Variants in ZNF570 observed in about 807,000 individuals in gnomAD.
ZNF570 encodes zinc finger protein 570.
In ZNF570, 8 loss-of-function variants were observed where a neutral mutation model predicts 14.2. That is an observed-to-expected ratio of 0.56 (90% CI 0.33 to 1.02). The LOEUF (loss-of-function observed/expected upper bound fraction) is 1.02. ZNF570 is among the 50% of genes least tolerant of loss of function. The probability of loss-of-function intolerance (pLI) is 0.03; values close to 1 mark genes in which losing one functional copy is unlikely to be tolerated. For synonymous variants in ZNF570, 202 were observed against 207.6 expected (o/e 0.97, Z 0.23); for missense variants, 559 against 624.9 (o/e 0.89, Z 1.12).
intron 4 of ZNF570, among the ~76,000 whole-genome samples, chr19:37,481,845 C>T (rs1443616208): frequency 6.6e-6 from 1 of 152,192 alleles, no homozygotes; most frequent in African/African-American, 2.4e-5. Flanking sequence ...AAGTGCCTTC[C>T]ACAGTCTGTT....
At chr19:37,480,407 C>T (rs1002167354) in intron 4 of ZNF570, among the ~76,000 whole-genome samples, 4 of 152,040 alleles carry the variant, frequency 2.6e-5, no homozygotes, top group African/African-American at 4.8e-5. Context: ...TCGCTTGAAC[C>T]CAGGAGGTGG....
chr19:37,469,036 G>A, upstream of ZNF570: 1 of 989,372 alleles, frequency 1.0e-6, no homozygotes, highest in Non-Finnish European at 1.2e-6. Flanking sequence ...TGCTAAGGGA[G>A]GCGCGCAGAG....
upstream of ZNF570, chr19:37,467,871 T>C (rs956155893): frequency 1.3e-6 from 2 of 1,535,938 alleles, no homozygotes; most frequent in African/African-American, 1.4e-5. Context: ...GATTCTGACC[T>C]TGCAGTTTTG....
At chr19:37,474,079 A>G (rs777790916) in intron 2 of ZNF570, among the ~76,000 whole-genome samples, 17 of 152,326 alleles carry the variant, frequency 1.1e-4, no homozygotes, top group Non-Finnish European at 1.8e-4. Flanking sequence ...GCTGGAAGCC[A>G]TGTTTCTTTA....
chr19:37,479,173 A>G (rs916837073), intron 4 of ZNF570, among the ~76,000 whole-genome samples: 8 of 142,006 alleles, frequency 5.6e-5, no homozygotes, highest in African/African-American at 1.7e-4. Flanking sequence ...TATTTCTCCT[A>G]GAGGCAATTA....
chr19:37,480,448 C>T (rs1020891674), intron 4 of ZNF570, among the ~76,000 whole-genome samples: 1 of 152,128 alleles, frequency 6.6e-6, no homozygotes, highest in African/African-American at 2.4e-5. Flanking sequence ...CGTGCCACTG[C>T]ACTCCAGCCT....
Position 37,484,041 on chromosome 19 carries a change from G to T in ZNF570, c.419G>T (p.Gly140Val), listed in dbSNP as rs201172131. The T allele has an allele frequency of 6.2e-6, 10 of 1,614,078 alleles. No homozygotes were observed. The East Asian group carries it at 1.8e-4, about 29-fold the overall frequency. ...GAGGGCTATTTTGAAAGGCAACCAG[G>T]TAATCAGAAGGCGTGTTTCAAGGAA... ...KCEGYFERQP[G>V]NQKACFKEEI... Residue 140 changes from glycine (G) to valine (V), a missense_variant, in exon 5 of 5, where the codon GGT becomes GTT. Physicochemically the swap from Gly to Val is moderately radical, Grantham distance 109. Coordinates refer to ENST00000330173, the MANE Select transcript of ZNF570 (RefSeq NM_144694.5).
At chr19:37,483,752 T>C in intron 4 of ZNF570, 127 bp from the exon 5 acceptor site, 3 of 962,824 alleles carry the variant, frequency 3.1e-6, no homozygotes, top group Non-Finnish European at 4.5e-6. Context: ...ACTTCAGAAC[T>C]GCAAAAGCCA....
At position 37,470,555 on chromosome 19, in the gene ZNF570, G is replaced by C. The variant is rs1403616966; in HGVS notation, c.33+168G>C. Among the ~76,000 whole-genome samples the C allele has an allele frequency of 2.0e-5, 3 of 152,060 alleles. No individual in the cohort carries two copies. In the East Asian group the frequency reaches 5.8e-4, roughly 29 times the overall value. ...AGATAAACGCGTAAGTCCTTGTCTT[G>C]ACCTGCAGGGCCCTGCATAATCTGG... On this transcript the variant is annotated intron_variant, in intron 2 of 4. Transcript: ENST00000330173.
rs188858986 is a variant in ZNF570, at chr19:37,476,424, C to T, written c.246C>T (p.Gly82=). 61 of 1,613,842 alleles carry T rather than the reference C, an allele frequency of 3.8e-5. No homozygotes were observed. The East Asian group carries it at 9.4e-4, about 25-fold the overall frequency. ...TGGTGAAGAGAGAGCTGACAAAAGG[C>T]TTGTGCTCAGGTTAGTGAAGAGGAA... ...PWMVKRELTK[G]LCSGWEPICE... The change falls in exon 4 of 5, where the codon GGC becomes GGT. Residue 82 remains glycine (G), a synonymous_variant. Coordinates refer to ENST00000330173, the MANE Select transcript of ZNF570 (RefSeq NM_144694.5).
rs565629330 is a variant in ZNF570, at chr19:37,471,400, C to G, written c.33+1013C>G. ...GTTCCCTCAGATACCCGATACAGAC[C>G]AACTTCCTCACTCTAGTCTCTAACC... On this transcript the variant is annotated intron_variant, in intron 2 of 4. Transcript: ENST00000330173. 5.3e-5 allele frequency among the ~76,000 whole-genome samples: 8 copies of G among 152,260 alleles called. No individual in the cohort carries two copies. The South Asian group carries it at 1.7e-3, about 32-fold the overall frequency.
At position 37,485,994 on chromosome 19, in the gene ZNF570, A is replaced by G. The variant is rs548640485; in HGVS notation, c.*761A>G. ...GAGGCAGAGGTTGCAGTGAGCCGAG[A>G]TGGCGCCATTGCATTCCAACCTGGG... is the stretch of plus-strand genomic sequence containing the variant. On this transcript the variant is annotated 3_prime_UTR_variant, in exon 5 of 5. Coordinates refer to ENST00000330173, the MANE Select transcript of ZNF570 (RefSeq NM_144694.5). 1.3e-5 allele frequency: 2 copies of G among 152,298 alleles called. No homozygotes were observed. The highest frequency in any genetic ancestry group is 1.3e-4 in the Admixed American group (2 of 15,298). 9.4% of individuals were successfully genotyped at this position (152,298 alleles called of 1,614,324 possible). A position where few individuals can be genotyped will look rare whatever the true frequency, so the allele number is the denominator to read the frequency against.
chr19:37,470,328 C>T lies in ZNF570; in HGVS notation c.-27C>T. ...GTCATCTGAGGCCACTGCTATTTCC[C>T]AAGAGAAGAGCCAGGAGGAAGAAAG... On this transcript the variant is annotated 5_prime_UTR_variant, in exon 2 of 5. Coordinates refer to ENST00000330173, the MANE Select transcript of ZNF570 (RefSeq NM_144694.5). The T allele has an allele frequency of 6.2e-7, 1 of 1,614,014 alleles. No homozygotes were observed.
At chr19:37,469,355 C>A (rs148774088), upstream of ZNF570, 285 of 1,425,766 alleles carry the variant, frequency 2.0e-4, 1 homozygote, top group African/African-American at 3.4e-3. Context: ...GCAGCTGAGG[C>A]GCTTCTTTCC....
upstream of ZNF570, chr19:37,468,079 T>TC: frequency 2.7e-6 from 2 of 737,982 alleles, no homozygotes; most frequent in South Asian, 3.6e-5. Context: ...GTGTTTTTTT[T>TC]TTTTTGTTTG....
At chr19:37,474,882 T>A (rs1156391005) in intron 2 of ZNF570, among the ~76,000 whole-genome samples, 3 of 152,188 alleles carry the variant, frequency 2.0e-5, no homozygotes, top group Non-Finnish European at 2.9e-5. Context: ...TATGTTTGTT[T>A]CATCAGCAAG....
rs374859327 is a variant in ZNF570, at chr19:37,476,474, C to T, written c.256+40C>T. On this transcript the variant is annotated intron_variant, in intron 4 of 4. Transcript: ENST00000330173. ...AATTGGCAAAAATCTTTGCACGTGACAGCTCAGCTTGACTCAAAGGTATCA... is the reference window on the plus strand; with the variant it reads ...AATTGGCAAAAATCTTTGCACGTGATAGCTCAGCTTGACTCAAAGGTATCA... 3 of 1,595,020 alleles carry T rather than the reference C, an allele frequency of 1.9e-6. No individual in the cohort carries two copies. The African/African-American group carries it at 4.0e-5, about 21-fold the overall frequency.
chr19:37,469,365 C>T lies in ZNF570; in HGVS notation c.-244C>T. ...CGGAGGCAGCTGAGGCGCTTCTTTC[C>T]GGGCCCGTAAGGGCTGGGTTCCATC... On this transcript the variant is annotated 5_prime_UTR_variant, in exon 1 of 5. Coordinates refer to ENST00000330173, the MANE Select transcript of ZNF570 (RefSeq NM_144694.5). 3 of 1,433,780 alleles carry T rather than the reference C, an allele frequency of 2.1e-6. No homozygotes were observed. The highest frequency in any genetic ancestry group is 2.7e-6 in the Non-Finnish European group (3 of 1,092,824). 88.8% of individuals were successfully genotyped at this position (1,433,780 alleles called of 1,614,324 possible).
At chr19:37,477,573 C>T (rs537478866) in intron 4 of ZNF570, among the ~76,000 whole-genome samples, 9 of 152,048 alleles carry the variant, frequency 5.9e-5, no homozygotes, top group African/African-American at 2.2e-4. Flanking sequence ...AACTCCTGAT[C>T]TCAGGTGATC....
Sources: allele counts gnomAD v4.1 joint callset (sites outside exome capture counted in the v4.1 genomes callset), GRCh38; gene constraint gnomAD v4.1.1; transcripts MANE v1.5; gene names NCBI Gene and HGNC (gene_info 2026-07-23, HGNC 2026-07-21).